SPAG6: variants seen among roughly 807,000 people sequenced by gnomAD.
The protein encoded by SPAG6 is sperm associated antigen 6.
SPAG6 carries 49 observed loss-of-function variants against 58.5 expected under a neutral mutation model. The ratio of observed to expected loss-of-function variants is 0.84; its 90% CI spans 0.67 to 1.06. The LOEUF is 1.06. Ranked by LOEUF, SPAG6 falls within the 50% of genes least tolerant of loss-of-function variation. The pLI, the probability that SPAG6 is intolerant of heterozygous loss-of-function variation, is 0.00. For synonymous variants in SPAG6, 233 were observed against 225.6 expected, an observed-to-expected ratio of 1.03 and a Z score of -0.29; for missense variants, 560 against 611.3, an observed-to-expected ratio of 0.92 and a Z score of 0.89.
chr10:22,411,888 G>A (rs1244876105), intron 10 of SPAG6, among the ~76,000 whole-genome samples: 3 of 118,312 alleles, frequency 2.5e-5, no homozygotes, highest in African/African-American at 6.6e-5. Flanking sequence ...TTGCTCTGTC[G>A]TCCAGGCTGG....
intron 4 of SPAG6, among the ~76,000 whole-genome samples, chr10:22,384,047 A>G (rs1834014917): frequency 6.6e-6 from 1 of 152,242 alleles, no homozygotes; most frequent in African/African-American, 2.4e-5. Context: ...AATTCACATG[A>G]CACAAAGTTC....
intron 10 of SPAG6, among the ~76,000 whole-genome samples, chr10:22,415,305 A>G (rs920963035): frequency 3.3e-5 from 5 of 151,402 alleles, no homozygotes; most frequent in African/African-American, 4.8e-5. Flanking sequence ...TTTAAATTAA[A>G]AGGTTAAAAT....
At position 22,417,544 on chromosome 10, in the gene SPAG6, C is replaced by T. The variant is rs1834896152; in HGVS notation, c.*856C>T. The T allele has an allele frequency of 1.3e-5, 2 of 152,268 alleles. No homozygotes were observed. Among genetic ancestry groups the T allele is most frequent in the African/African-American group, 2.4e-5 (1 of 41,540 alleles). The allele number at this position is 152,268 out of a possible 1,614,324, so 9.4% of individuals were successfully genotyped here. A position where few individuals can be genotyped will look rare whatever the true frequency, so the allele number is the denominator to read the frequency against. ...TACCATCAGGCTCAGAGTTTACATG[C>T]ATTTTTACTTAGGAAGTGGTAAACG... is the stretch of plus-strand genomic sequence containing the variant. On this transcript the variant is annotated 3_prime_UTR_variant, in exon 11 of 11. Transcript: ENST00000376624.
At chr10:22,406,628 G>C (rs1050968767) in intron 9 of SPAG6, among the ~76,000 whole-genome samples, 2 of 152,198 alleles carry the variant, frequency 1.3e-5, no homozygotes, top group Non-Finnish European at 2.9e-5. Flanking sequence ...ATTTGGGGTG[G>C]AGAGTTCTGT....
Position 22,362,099 on chromosome 10 carries a change from C to T in SPAG6, c.122-2754C>T, listed in dbSNP as rs969023058. 5.6e-4 allele frequency among the ~76,000 whole-genome samples: 75 copies of T among 135,090 alleles called. 1 individual carries two copies. Among genetic ancestry groups the T allele is most frequent in the East Asian group, 1.1e-3 (5 of 4,690 alleles). 88.6% of individuals were successfully genotyped at this position (135,090 alleles called of 152,430 possible). The stretch of plus-strand genomic sequence containing the variant: ...TAAATATATATTTATTTTATATATT[C>T]GATGTAAATATATATAAATATATGT... On this transcript the variant is annotated intron_variant, in intron 2 of 10. Coordinates refer to ENST00000376624, the MANE Select transcript of SPAG6 (RefSeq NM_012443.4).
intron 9 of SPAG6, among the ~76,000 whole-genome samples, chr10:22,405,304 A>G (rs1482277974): frequency 1.3e-5 from 2 of 152,102 alleles, no homozygotes; most frequent in Non-Finnish European, 2.9e-5. Flanking sequence ...ATTTTGAGAT[A>G]TGTCCCATCA....
intron 10 of SPAG6, among the ~76,000 whole-genome samples, chr10:22,414,275 C>T (rs1310313162): frequency 2.6e-5 from 4 of 152,088 alleles, no homozygotes; most frequent in East Asian, 1.9e-4. Flanking sequence ...AAGGTTAATT[C>T]GCTTACATTC....
intron 2 of SPAG6, among the ~76,000 whole-genome samples, chr10:22,363,445 C>G (rs146151599): frequency 6.6e-6 from 1 of 152,318 alleles, no homozygotes; most frequent in Admixed American, 6.5e-5. Flanking sequence ...GGCAGGGGCT[C>G]TGTGTGCCTG....
At chr10:22,391,961 T>A in intron 8 of SPAG6, 41 bp downstream of exon 8, 3 of 1,322,002 alleles carry the variant, frequency 2.3e-6, no homozygotes, top group African/African-American at 1.5e-5. Context: ...TTGGCTCATT[T>A]AAAAAATATG....
rs1156338496 is a variant in SPAG6, at chr10:22,368,530, A to G, written c.324A>G (p.Arg108=). 3 of 1,613,912 alleles carry G rather than the reference A, an allele frequency of 1.9e-6. No homozygotes were observed. The highest frequency in any genetic ancestry group is 1.7e-6 in the Non-Finnish European group (2 of 1,179,950). ...FYKKAAAFVL[R]AVGKHSPQLA... is the part of the protein sequence containing the mutation. Reference sequence around the variant, plus strand: ...AGAAAGCAGCTGCCTTTGTGTTACGAGCAGTTGGTAAACATTCTCCCCAGC... The same window carrying G: ...AGAAAGCAGCTGCCTTTGTGTTACGGGCAGTTGGTAAACATTCTCCCCAGC... The change falls in exon 4 of 11, where the codon CGA becomes CGG. Residue 108 remains arginine (R), a synonymous_variant. Transcript: ENST00000376624.
chr10:22,404,039 T>C (rs1834484112), intron 9 of SPAG6, among the ~76,000 whole-genome samples: 1 of 139,110 alleles, frequency 7.2e-6, no homozygotes, highest in African/African-American at 2.7e-5. Flanking sequence ...ATATTAGCCC[T>C]TTGTCAGATG....
chr10:22,362,585 AT>A (rs1404812005), intron 2 of SPAG6, among the ~76,000 whole-genome samples: 3 of 151,928 alleles, frequency 2.0e-5, no homozygotes, highest in African/African-American at 7.3e-5. Flanking sequence ...CTACAAAAAA[AT>A]GAAAAAAATT....
At chr10:22,349,780 GTATGAAGCTAATTTTCAGA>G (rs1260254726) in intron 2 of SPAG6, among the ~76,000 whole-genome samples, 1 of 152,150 alleles carries the variant, frequency 6.6e-6, no homozygotes, top group Non-Finnish European at 1.5e-5. Flanking sequence ...ATGTGCACCT[GTATGAAGCTAATTTTCAGA>G]TTGAGGCAAC....
chr10:22,382,555 T>G (rs1425192930), intron 4 of SPAG6, among the ~76,000 whole-genome samples: 3 of 152,186 alleles, frequency 2.0e-5, no homozygotes, highest in African/African-American at 7.2e-5. Context: ...TATTATTAAT[T>G]CTTTGAAGAA....
chr10:22,374,338 T>C (rs1302573517), intron 4 of SPAG6, among the ~76,000 whole-genome samples: 11 of 152,174 alleles, frequency 7.2e-5, no homozygotes, highest in Admixed American at 7.2e-4. Flanking sequence ...TGTGGGACTT[T>C]ATAATCTAAG....
intron 2 of SPAG6, among the ~76,000 whole-genome samples, chr10:22,362,008 CATATATTTATTTT>C (rs966345410): frequency 4.8e-5 from 7 of 145,046 alleles, no homozygotes; most frequent in South Asian, 4.3e-4. Flanking sequence ...ATATTTATTT[CATATATTTATTTT>C]ATATAAATAT....
At chr10:22,386,232 T>A (rs1014620031) in intron 4 of SPAG6, among the ~76,000 whole-genome samples, 4 of 152,204 alleles carry the variant, frequency 2.6e-5, no homozygotes, top group African/African-American at 9.6e-5. Context: ...CTTTCTATTT[T>A]GTATGAAATT....
At chr10:22,355,593 C>T (rs757615370) in intron 2 of SPAG6, among the ~76,000 whole-genome samples, 1 of 152,170 alleles carries the variant, frequency 6.6e-6, no homozygotes, top group Non-Finnish European at 1.5e-5. Context: ...AAAGGCCATA[C>T]TTTTTGTGAT....
intron 4 of SPAG6, among the ~76,000 whole-genome samples, chr10:22,383,164 T>C (rs902921045): frequency 6.6e-6 from 1 of 152,250 alleles, no homozygotes; most frequent in South Asian, 2.1e-4. Flanking sequence ...TCAACCTTTT[T>C]TGAGCATCTA....
Sources: gnomAD v4.1 joint callset for allele counts (sites outside exome capture counted in the v4.1 genomes callset) on GRCh38, gnomAD v4.1.1 for gene constraint, MANE v1.5 for transcripts, NCBI Gene and HGNC (gene_info 2026-07-23, HGNC 2026-07-21) for gene names.